SUPT7L: variants seen among roughly 807,000 people sequenced by gnomAD.
The protein encoded by SUPT7L is SPT7 like, STAGA complex subunit gamma.
In SUPT7L, 15 loss-of-function variants were observed where a neutral mutation model predicts 35.7. That is an observed-to-expected ratio of 0.42 (90% confidence interval 0.28 to 0.65). SUPT7L has a LOEUF of 0.65. Ranked by LOEUF, SUPT7L falls within the 30% of genes least tolerant of loss-of-function variation. The pLI is 0.23. For missense variants in SUPT7L, 434 were observed against 522.2 expected, an observed-to-expected ratio of 0.83 and a Z score of 1.65; for synonymous variants, 168 against 186.2, an observed-to-expected ratio of 0.90 and a Z score of 0.79.
chr2:27,643,098 GCTTTA>G, the SUPT7L span, among the ~76,000 whole-genome samples: 1 of 150,158 alleles, frequency 6.7e-6, no homozygotes, highest in Admixed American at 6.6e-5. This position sits in a 1 kb window ranked among gnomAD's most constrained non-coding sequence, Gnocchi z 4.0. Flanking sequence ...GGAAGTTTTT[GCTTTA>G]CTTTGGCAAT....
In SUPT7L at chr2:27,653,320, T is replaced by C. The variant is rs937404273; in HGVS notation, c.*165A>G. On this transcript the variant is annotated 3_prime_UTR_variant, in exon 6 of 6. Transcript: ENST00000337768. Reference sequence around the variant, plus strand: ...AAACTATAAAAACTGGATGCAAAAGTAAAATGCAACCTTGTTTGGTGACGT... The same window carrying C: ...AAACTATAAAAACTGGATGCAAAAGCAAAATGCAACCTTGTTTGGTGACGT... The C allele has an allele frequency of 2.0e-6, 2 of 1,018,406 alleles. No homozygotes were observed. Among genetic ancestry groups the C allele is most frequent in the Non-Finnish European group, 2.8e-6 (2 of 716,344 alleles). The allele number at this position is 1,018,406 out of a possible 1,614,324, so 63.1% of individuals were successfully genotyped here.
chr2:27,644,751 A>T, the SUPT7L span, among the ~76,000 whole-genome samples: 2 of 118,488 alleles, frequency 1.7e-5, no homozygotes, highest in Admixed American at 1.0e-4. Context: ...TTTACAGATG[A>T]GGTCTGAGGC....
chr2:27,661,483 T>C (rs1675108599), intron 2 of SUPT7L, 95 bp from the exon 3 acceptor site: 15 of 1,541,362 alleles, frequency 9.7e-6, no homozygotes, highest in Non-Finnish European at 1.3e-5. Context: ...CTTTAGATTA[T>C]AGGCTTCTGT....
chr2:27,662,048 C>T, intron 2 of SUPT7L, 131 bp downstream of exon 2: 2 of 1,238,056 alleles, frequency 1.6e-6, no homozygotes, highest in African/African-American at 3.0e-5. Context: ...TGTATGTCAT[C>T]TATTCTCTAC....
chr2:27,661,032 T>G lies in SUPT7L; in HGVS notation c.371A>C (p.Asn124Thr), dbSNP rs147739348. ...DLLPLDCKNP[N>T]APFQIRHSDP... ...ACTGTGCCGGATCTGGAATGGTGCA[T>G]TGGGATTCTTACAATCTAAAGGCAG... Residue 124 changes from asparagine (N) to threonine (T), a missense_variant, in exon 3 of 6, where the codon AAT becomes ACT. Asn to Thr is a moderately conservative substitution (Grantham distance 65). Around this residue, in one of 3 missense-constraint regions of SUPT7L, gnomAD observed 198 missense variants for 190.8 expected, o/e 1.04. Coordinates refer to ENST00000337768, the MANE Select transcript of SUPT7L (RefSeq NM_014860.3). 1.9e-3 allele frequency: 3,062 copies of G among 1,614,124 alleles called. 7 individuals are homozygous for G. Among genetic ancestry groups the G allele is most frequent in the Non-Finnish European group, 2.4e-3 (2,815 of 1,180,016 alleles).
At chr2:27,645,573 T>G in the SUPT7L span, among the ~76,000 whole-genome samples, 2 of 152,162 alleles carry the variant, frequency 1.3e-5, no homozygotes, top group Admixed American at 6.5e-5. Flanking sequence ...TGTCTTTGTA[T>G]TTGTCAGGTC....
chr2:27,649,279 G>A (rs1443726825), downstream of SUPT7L, among the ~76,000 whole-genome samples: 1 of 151,056 alleles, frequency 6.6e-6, no homozygotes, highest in Non-Finnish European at 1.5e-5. Flanking sequence ...AAAAAAACAC[G>A]AAAACCACCA....
At chr2:27,644,464 T>A in the SUPT7L span, among the ~76,000 whole-genome samples, 1 of 152,180 alleles carries the variant, frequency 6.6e-6, no homozygotes, top group East Asian at 1.9e-4. Context: ...CAAATTGATC[T>A]ATCTTTTATT....
At chr2:27,649,668 T>A (rs751831669), downstream of SUPT7L, among the ~76,000 whole-genome samples, 21 of 152,214 alleles carry the variant, frequency 1.4e-4, no homozygotes, top group Non-Finnish European at 2.1e-4. Flanking sequence ...GACTCAGTAG[T>A]GTAGTCTCTC....
At chr2:27,645,099 C>G in the SUPT7L span, among the ~76,000 whole-genome samples, 1 of 152,136 alleles carries the variant, frequency 6.6e-6, no homozygotes, top group African/African-American at 2.4e-5. Context: ...TCCAGAGTAG[C>G]TAGATCTACA....
rs558522538 is a variant in SUPT7L, at chr2:27,661,491, T to C, written c.15-103A>G. ...CTGGCAACTTTAGATTATAGGCTTC[T>C]GTAGTGAAAAATACGAGGTCTAGCC... On this transcript the variant is annotated intron_variant, in intron 2 of 5. Transcript: ENST00000337768. 5.2e-6 allele frequency: 8 copies of C among 1,535,740 alleles called. No homozygotes were observed. The African/African-American group carries it at 9.7e-5, about 19-fold the overall frequency.
At chr2:27,649,735 T>G (rs1674435168), downstream of SUPT7L, among the ~76,000 whole-genome samples, 2 of 152,270 alleles carry the variant, frequency 1.3e-5, no homozygotes, top group African/African-American at 4.8e-5. Flanking sequence ...ATTCCATTAT[T>G]GTGGATGTTC....
chr2:27,653,878 G>T, intron 5 of SUPT7L, 131 bp from the exon 6 acceptor site: 1 of 1,188,986 alleles, frequency 8.4e-7, no homozygotes, highest in South Asian at 1.5e-5. Context: ...TCTGTACTTG[G>T]CTGGAGAATA....
At position 27,663,493 on chromosome 2, in the gene SUPT7L, A is replaced by G. The variant is rs1410465160; in HGVS notation, c.-254T>C. The stretch of plus-strand genomic sequence containing the variant: ...GGGAGGTCTGGACCTGAACCGAGAC[A>G]AGGAGGTACCACACTATTCACTGCT... On this transcript the variant is annotated 5_prime_UTR_variant, in exon 1 of 6. Transcript: ENST00000337768. 1 of 438,756 alleles carries G rather than the reference A, an allele frequency of 2.3e-6. No homozygotes were observed. Among genetic ancestry groups the G allele is most frequent in the South Asian group, 2.3e-5 (1 of 43,992 alleles). 27.2% of individuals were successfully genotyped at this position (438,756 alleles called of 1,614,324 possible).
chr2:27,642,958 TACACAC>T, the SUPT7L span, among the ~76,000 whole-genome samples: 27 of 122,654 alleles, frequency 2.2e-4, no homozygotes, highest in South Asian at 5.6e-4. Flanking sequence ...TATATATATA[TACACAC>T]ACACACACAC....
the SUPT7L span, chr2:27,642,662 C>T: frequency 1.7e-6 from 1 of 577,190 alleles, no homozygotes; most frequent in Non-Finnish European, 3.2e-6. Flanking sequence ...CTCCCAGGTT[C>T]AAGCAGTTCT....
At position 27,661,169 on chromosome 2, in the gene SUPT7L, G is replaced by T. The variant is rs1395490160; in HGVS notation, c.234C>A (p.Asn78Lys). The T allele has an allele frequency of 6.2e-7, 1 of 1,614,178 alleles. No individual in the cohort carries two copies. The highest frequency in any genetic ancestry group is 8.5e-7 in the Non-Finnish European group (1 of 1,180,050). The change falls in exon 3 of 6, where the codon AAC becomes AAA. Residue 78 changes from asparagine to lysine, a missense_variant. By Grantham distance (94) the Asn-to-Lys change is moderately conservative. Transcript: ENST00000337768. ...TCTGGGCCTGAGCTGTGGCAATAAG[G>T]TTGCGAAGACGTCGGTTGTGCTGAA... ...QLIQHNRRLR[N>K]LIATAQAQNQ...
chr2:27,663,374 G>A lies in SUPT7L; in HGVS notation c.-135C>T, dbSNP rs1260661735. ...GGCACGGAGCCCAAGGAATGCCCAA[G>A]TCCCTCCAGGGGTTTCCTCGGTCAC... is the stretch of plus-strand genomic sequence containing the variant. On this transcript the variant is annotated 5_prime_UTR_variant, in exon 1 of 6. Coordinates refer to ENST00000337768, the MANE Select transcript of SUPT7L (RefSeq NM_014860.3). The A allele has an allele frequency of 5.0e-6, 1 of 200,354 alleles. No individual in the cohort carries two copies. The highest frequency in any genetic ancestry group is 1.2e-4 in the East Asian group (1 of 8,172). The allele number at this position is 200,354 out of a possible 1,614,324, so 12.4% of individuals were successfully genotyped here. A position where few individuals can be genotyped will look rare whatever the true frequency, so the allele number is the denominator to read the frequency against.
intron 5 of SUPT7L, among the ~76,000 whole-genome samples, chr2:27,654,689 C>T (rs1674708278): frequency 6.6e-6 from 1 of 152,160 alleles, no homozygotes; most frequent in Non-Finnish European, 1.5e-5. Context: ...GCCTCAGCCT[C>T]CTGAGTAGCT....
Sources: allele counts gnomAD v4.1 joint callset (sites outside exome capture counted in the v4.1 genomes callset), GRCh38; gene constraint gnomAD v4.1.1; regional missense constraint gnomAD v4.1.1; non-coding constraint Gnocchi (gnomAD v3.1); transcripts MANE v1.5; gene names NCBI Gene and HGNC (gene_info 2026-07-23, HGNC 2026-07-21).